Variants in MAN1A2 observed in about 807,000 individuals in gnomAD.
MAN1A2 encodes the protein mannosyl-oligosaccharide 1,2-alpha-mannosidase IB.
MAN1A2 carries 26 observed loss-of-function variants against 75.7 expected under a neutral mutation model. That is an observed-to-expected ratio of 0.34 (90% confidence interval 0.25 to 0.48). MAN1A2 has a LOEUF of 0.48. Ranked by LOEUF, MAN1A2 falls within the 20% of genes least tolerant of loss-of-function variation. MAN1A2 has a pLI of 0.99. For synonymous variants in MAN1A2, 247 were observed against 264.6 expected, an observed-to-expected ratio of 0.93 and a Z score of 0.65; for missense variants, 562 against 775.5, an observed-to-expected ratio of 0.72 and a Z score of 3.27.
chr1:117,369,193 C>T (rs1239557367), intron 1 of MAN1A2, among the ~76,000 whole-genome samples: 1 of 152,096 alleles, frequency 6.6e-6, no homozygotes, highest in African/African-American at 2.4e-5. Context: ...AATAGATGGA[C>T]TGTGTCAAGC....
In MAN1A2 at chr1:117,518,008, CTT is replaced by C. The variant is rs1282366611; in HGVS notation, c.1794-4816_1794-4815del. On this transcript the variant is annotated intron_variant, in intron 12 of 12. Transcript: ENST00000356554. ...CCATCTGATATAGGAAATGGAAAGA[CTT>C]AAAGTAATTTTACAGAGGATCTTTA... Among the ~76,000 whole-genome samples the C allele has an allele frequency of 2.6e-5, 4 of 151,966 alleles. No individual in the cohort carries two copies. The East Asian group carries it at 5.8e-4, about 22-fold the overall frequency.
chr1:117,507,745 C>T (rs1397022878), intron 12 of MAN1A2, among the ~76,000 whole-genome samples: 1 of 151,566 alleles, frequency 6.6e-6, no homozygotes, highest in Non-Finnish European at 1.5e-5. Context: ...AACATATGAA[C>T]TTGTTTAAAG....
chr1:117,408,626 T>C (rs1190549419), intron 3 of MAN1A2, among the ~76,000 whole-genome samples: 1 of 152,178 alleles, frequency 6.6e-6, no homozygotes, highest in Non-Finnish European at 1.5e-5. Flanking sequence ...TTTGTCTTGT[T>C]TTGATATCAG....
intron 12 of MAN1A2, among the ~76,000 whole-genome samples, chr1:117,519,947 G>A (rs779574284): frequency 2.1e-4 from 32 of 152,002 alleles, no homozygotes; most frequent in Middle Eastern, 6.8e-3. Flanking sequence ...CTAGCTAACC[G>A]AATCCAACAA....
chr1:117,510,603 A>T (rs1277988141), intron 12 of MAN1A2, among the ~76,000 whole-genome samples: 2 of 151,984 alleles, frequency 1.3e-5, no homozygotes, highest in Non-Finnish European at 2.9e-5. Context: ...CCTTAATTCC[A>T]CCTCTTTGTT....
chr1:117,471,806 T>C (rs1466972393), intron 8 of MAN1A2, among the ~76,000 whole-genome samples: 1 of 152,012 alleles, frequency 6.6e-6, no homozygotes, highest in African/African-American at 2.4e-5. Flanking sequence ...TCAGTGAATA[T>C]ATATACTCTG....
Position 117,428,058 on chromosome 1 carries a change from C to T in MAN1A2, c.855+7409C>T, listed in dbSNP as rs144443473. On this transcript the variant is annotated intron_variant, in intron 5 of 12. Transcript: ENST00000356554. ...ACATTAAAGAAAAATATTGCAGACA[C>T]GTATAGCTTAACCACCAATAAATAA... Among the ~76,000 whole-genome samples the T allele has an allele frequency of 9.9e-5, 15 of 151,716 alleles. No homozygotes were observed. The East Asian group carries it at 1.7e-3, about 18-fold the overall frequency.
chr1:117,442,881 C>T lies in MAN1A2; in HGVS notation c.950+556C>T, dbSNP rs187792968. On this transcript the variant is annotated intron_variant, in intron 6 of 12. Coordinates refer to ENST00000356554, the MANE Select transcript of MAN1A2 (RefSeq NM_006699.5). ...ACTCTTAAGCATCAATCTTTATAATCTGTTTTCTAATCGAAAACATTGGTT... is the reference window on the plus strand; with the variant it reads ...ACTCTTAAGCATCAATCTTTATAATTTGTTTTCTAATCGAAAACATTGGTT... Among the ~76,000 whole-genome samples, 9 of 152,250 alleles carry T rather than the reference C, an allele frequency of 5.9e-5. No individual in the cohort carries two copies. In the East Asian group the frequency reaches 1.7e-3, roughly 29 times the overall value.
At chr1:117,425,169 G>T (rs1015923851) in intron 5 of MAN1A2, among the ~76,000 whole-genome samples, 3 of 131,724 alleles carry the variant, frequency 2.3e-5, no homozygotes, top group Non-Finnish European at 4.8e-5. Context: ...GCAAAGGGGG[G>T]AGGGAAGGGG....
At chr1:117,431,600 A>C (rs1054293574) in intron 5 of MAN1A2, among the ~76,000 whole-genome samples, 3 of 152,226 alleles carry the variant, frequency 2.0e-5, no homozygotes, top group Admixed American at 1.3e-4. Context: ...TTTACCAAAA[A>C]TAAATTGTAT....
chr1:117,393,218 C>T (rs749948715), intron 1 of MAN1A2, among the ~76,000 whole-genome samples: 1 of 152,220 alleles, frequency 6.6e-6, no homozygotes, highest in Non-Finnish European at 1.5e-5. Context: ...GATTTGTAAA[C>T]ATCTCCCTTA....
chr1:117,422,840 T>G (rs1163102255), intron 5 of MAN1A2, among the ~76,000 whole-genome samples: 1 of 152,150 alleles, frequency 6.6e-6, no homozygotes, highest in Non-Finnish European at 1.5e-5. Flanking sequence ...ACATTTGCAA[T>G]TATTTTCTCT....
At chr1:117,407,727 A>C (rs1488651776) in intron 3 of MAN1A2, among the ~76,000 whole-genome samples, 1 of 152,220 alleles carries the variant, frequency 6.6e-6, no homozygotes. Flanking sequence ...AAACTTAATC[A>C]GCTGAATGAA....
intron 1 of MAN1A2, among the ~76,000 whole-genome samples, chr1:117,398,110 A>G (rs137863243): frequency 6.6e-6 from 1 of 152,294 alleles, no homozygotes; most frequent in African/African-American, 2.4e-5. Context: ...GATATGTTGG[A>G]ACAAAAATCA....
At chr1:117,469,523 C>T (rs1043056837) in intron 8 of MAN1A2, among the ~76,000 whole-genome samples, 13 of 151,406 alleles carry the variant, frequency 8.6e-5, no homozygotes, top group African/African-American at 2.4e-4. Flanking sequence ...GAAAGAAAGA[C>T]GACCCACAGA....
intron 7 of MAN1A2, among the ~76,000 whole-genome samples, chr1:117,462,518 C>T (rs1162781280): frequency 2.0e-5 from 3 of 152,064 alleles, no homozygotes; most frequent in Non-Finnish European, 4.4e-5. Context: ...CAATTCAGGG[C>T]ATACACACAG....
intron 6 of MAN1A2, among the ~76,000 whole-genome samples, chr1:117,456,413 CTA>C (rs1182813665): frequency 6.6e-6 from 1 of 151,990 alleles, no homozygotes; most frequent in African/African-American, 2.4e-5. Context: ...ATAATTAAAA[CTA>C]TTTAATTTTC....
intron 8 of MAN1A2, among the ~76,000 whole-genome samples, chr1:117,474,706 A>G (rs1016449716): frequency 6.6e-6 from 1 of 151,988 alleles, no homozygotes; most frequent in African/African-American, 2.4e-5. Context: ...GATACAATTT[A>G]CATATAATAA....
chr1:117,474,204 T>C (rs781634269), intron 8 of MAN1A2, among the ~76,000 whole-genome samples: 6 of 152,006 alleles, frequency 3.9e-5, no homozygotes, highest in Non-Finnish European at 7.4e-5. Context: ...AGAATATATA[T>C]ATGTATACTT....
Sources: allele counts gnomAD v4.1 joint callset (sites outside exome capture counted in the v4.1 genomes callset), GRCh38; gene constraint gnomAD v4.1.1; transcripts MANE v1.5; gene names NCBI Gene and HGNC (gene_info 2026-07-23, HGNC 2026-07-21).